The following TIMP3 variants were observed in gnomAD, a reference collection of about 807,000 sequenced individuals.
TIMP3 encodes metalloproteinase inhibitor 3.
In TIMP3, 11 loss-of-function variants were observed where a neutral mutation model predicts 30.0. That is an observed-to-expected ratio of 0.37 (90% CI 0.23 to 0.61). The LOEUF (loss-of-function observed/expected upper bound fraction) is 0.61, where lower values mean the gene tolerates loss of function less well. Ranked by LOEUF, TIMP3 falls within the 20% of genes least tolerant of loss-of-function variation. The pLI is 0.70. For missense variants in TIMP3, 181 were observed against 276.8 expected, an observed-to-expected ratio of 0.65 and a Z score of 2.45; for synonymous variants, 112 against 111.3, an observed-to-expected ratio of 1.01 and a Z score of -0.04.
chr22:32,801,849 G>A lies in TIMP3; in HGVS notation c.-153G>A, dbSNP rs1602182614. On this transcript the variant is annotated 5_prime_UTR_variant, in exon 1 of 5. Transcript: ENST00000266085. The surrounding 1 kb of genome is among the most constrained non-coding windows in gnomAD (Gnocchi z 4.7). Reference sequence around the variant, plus strand: ...GCCTCGCTGCGCCCCATCCCGTCCCGCCGGGCACTCGGAGGGCAGCGCGCC... The same window carrying A: ...GCCTCGCTGCGCCCCATCCCGTCCCACCGGGCACTCGGAGGGCAGCGCGCC... 5 of 992,682 alleles carry A rather than the reference G, an allele frequency of 5.0e-6. No individual in the cohort carries two copies. Among genetic ancestry groups the A allele is most frequent in the Non-Finnish European group, 6.4e-6 (5 of 777,386 alleles). 61.5% of individuals were successfully genotyped at this position (992,682 alleles called of 1,614,324 possible).
chr22:32,839,493 C>T (rs577798914), intron 1 of TIMP3, among the ~76,000 whole-genome samples: 12 of 152,218 alleles, frequency 7.9e-5, no homozygotes, highest in Middle Eastern at 3.4e-3. Flanking sequence ...ACACCATCAC[C>T]CTTCTGAGAT....
chr22:32,839,153 C>G (rs1404083300), intron 1 of TIMP3, among the ~76,000 whole-genome samples: 1 of 151,940 alleles, frequency 6.6e-6, no homozygotes, highest in Non-Finnish European at 1.5e-5. Flanking sequence ...GGGCTGGAAG[C>G]TTCAGAGTGA....
chr22:32,813,780 G>A (rs2046980845), intron 1 of TIMP3, among the ~76,000 whole-genome samples: 1 of 151,786 alleles, frequency 6.6e-6, no homozygotes, highest in South Asian at 2.1e-4. Flanking sequence ...CTAGTTGCCT[G>A]TCCCTGGACA....
intron 2 of TIMP3, among the ~76,000 whole-genome samples, chr22:32,850,512 C>A (rs1015357383): frequency 1.3e-5 from 2 of 152,160 alleles, no homozygotes; most frequent in African/African-American, 4.8e-5. Context: ...ATCACCCCAT[C>A]TTTGTAAGCA....
chr22:32,852,851 G>A (rs1280807660), intron 2 of TIMP3, among the ~76,000 whole-genome samples: 1 of 152,212 alleles, frequency 6.6e-6, no homozygotes, highest in East Asian at 1.9e-4. Flanking sequence ...AGAACTGGCT[G>A]CTCTAAGCTG....
chr22:32,811,711 C>A (rs2267180), intron 1 of TIMP3, among the ~76,000 whole-genome samples: 3 of 151,944 alleles, frequency 2.0e-5, no homozygotes, highest in Non-Finnish European at 4.4e-5. Context: ...GTCATAGTTC[C>A]TAGTTAGTGG....
At chr22:32,816,346 G>A (rs1401775166) in intron 1 of TIMP3, among the ~76,000 whole-genome samples, 2 of 152,144 alleles carry the variant, frequency 1.3e-5, no homozygotes, top group African/African-American at 4.8e-5. Context: ...ATAAACATGG[G>A]TGAAATACAG....
intron 1 of TIMP3, among the ~76,000 whole-genome samples, chr22:32,845,166 TG>T (rs377275699): frequency 0.066 from 10,014 of 152,164 alleles, 348 homozygotes; most frequent in Middle Eastern, 0.1. Context: ...CTCTGATTGG[TG>T]CTTCTGTACC....
intron 1 of TIMP3, among the ~76,000 whole-genome samples, chr22:32,843,325 C>G (rs2047967093): frequency 6.6e-6 from 1 of 152,234 alleles, no homozygotes. Context: ...TAATGTGATG[C>G]TAAGAAAAGC....
chr22:32,845,399 C>G (rs2146218458), intron 1 of TIMP3, among the ~76,000 whole-genome samples: 1 of 152,022 alleles, frequency 6.6e-6, no homozygotes, highest in Admixed American at 6.6e-5. Flanking sequence ...ACCATGCTGG[C>G]CAGGATGGTC....
rs2048491414 is a variant in TIMP3 at position 32,859,991 on chromosome 22, T to A, written c.*614T>A. ...AGGGAAGGAAGGAACTACAAGAGAG[T>A]CGGAGATGATGCAGCACACACACAA... On this transcript the variant is annotated 3_prime_UTR_variant, in exon 5 of 5. Coordinates refer to ENST00000266085, the MANE Select transcript of TIMP3 (RefSeq NM_000362.5). The A allele has an allele frequency of 6.5e-6, 1 of 154,420 alleles. No individual in the cohort carries two copies. Among genetic ancestry groups the A allele is most frequent in the Non-Finnish European group, 1.4e-5 (1 of 69,792 alleles). The allele number at this position is 154,420 out of a possible 1,614,324, so 9.6% of individuals were successfully genotyped here. A position where few individuals can be genotyped will look rare whatever the true frequency, so the allele number is the denominator to read the frequency against.
At chr22:32,811,684 T>C (rs943883257) in intron 1 of TIMP3, among the ~76,000 whole-genome samples, 2 of 152,148 alleles carry the variant, frequency 1.3e-5, no homozygotes. Context: ...GAAAGCAGGA[T>C]GGTGATTGGG....
intron 3 of TIMP3, 152 bp from the exon 4 acceptor site, chr22:32,857,865 A>G: frequency 1.7e-6 from 2 of 1,185,934 alleles, no homozygotes; most frequent in Non-Finnish European, 2.5e-6. Context: ...GTCCATTTTA[A>G]AAGGTGTTGG....
chr22:32,842,590 G>A (rs2047942065), intron 1 of TIMP3, among the ~76,000 whole-genome samples: 1 of 152,124 alleles, frequency 6.6e-6, no homozygotes. Flanking sequence ...CAATATAACA[G>A]TGTATCATTT....
chr22:32,814,164 G>GAA (rs1569244904), intron 1 of TIMP3, among the ~76,000 whole-genome samples: 10 of 121,912 alleles, frequency 8.2e-5, no homozygotes, highest in Non-Finnish European at 1.7e-4. Flanking sequence ...GAGAGAGAGA[G>GAA]AGAAAGAGAA....
intron 1 of TIMP3, among the ~76,000 whole-genome samples, chr22:32,825,910 C>A (rs2047395737): frequency 2.0e-5 from 3 of 151,960 alleles, no homozygotes; most frequent in Admixed American, 1.3e-4. Flanking sequence ...TGAAATAAAC[C>A]AGATCACCAA....
intron 2 of TIMP3, among the ~76,000 whole-genome samples, chr22:32,851,280 G>A (rs1227316234): frequency 6.6e-6 from 1 of 152,122 alleles, no homozygotes; most frequent in African/African-American, 2.4e-5. Context: ...GTGGTCAGCA[G>A]AGAGCTGAGA....
intron 1 of TIMP3, among the ~76,000 whole-genome samples, chr22:32,823,846 T>G (rs1445470110): frequency 1.3e-5 from 2 of 152,114 alleles, no homozygotes; most frequent in Admixed American, 1.3e-4. Context: ...TCCACTCCTA[T>G]AAGATGGTAC....
chr22:32,850,399 T>G (rs988436209), intron 2 of TIMP3, among the ~76,000 whole-genome samples: 1 of 152,078 alleles, frequency 6.6e-6, no homozygotes, highest in Non-Finnish European at 1.5e-5. Flanking sequence ...CGGGCCATGT[T>G]ACTTGTAAGG....
Sources: gnomAD v4.1 joint callset for allele counts (sites outside exome capture counted in the v4.1 genomes callset) on GRCh38, gnomAD v4.1.1 for gene constraint, Gnocchi (gnomAD v3.1) non-coding constraint, MANE v1.5 for transcripts, NCBI Gene and HGNC (gene_info 2026-07-23, HGNC 2026-07-21) for gene names.